NPAS3: variants seen among roughly 807,000 people sequenced by gnomAD.
NPAS3 encodes the protein neuronal PAS domain-containing protein 3.
NPAS3 carries 14 observed loss-of-function variants against 73.1 expected under a neutral mutation model. The observed-to-expected ratio is 0.19, with a 90% CI of 0.13 to 0.30. The LOEUF is 0.30. NPAS3 is among the 10% of genes least tolerant of loss of function. The pLI is 1.00. For synonymous variants in NPAS3, 620 were observed against 541.5 expected (o/e 1.14, Z -2.01); for missense variants, 1,096 against 1,250.0 (o/e 0.88, Z 1.86).
At chr14:33,266,041 A>C (rs909100466) in intron 3 of NPAS3, among the ~76,000 whole-genome samples, 3 of 151,850 alleles carry the variant, frequency 2.0e-5, no homozygotes, top group African/African-American at 7.2e-5. Flanking sequence ...ACATTTATTT[A>C]GACTATACTC....
rs562954840 is a variant in NPAS3 at position 33,606,628 on chromosome 14, A to T, written c.558+46418A>T. On this transcript the variant is annotated intron_variant, in intron 5 of 11. Transcript: ENST00000356141. ...GATCATAGACCTAACTGTAAAACCT[A>T]AAACTATAAAGCTTCTAGAAGAAAA... 5.4e-4 allele frequency among the ~76,000 whole-genome samples: 83 copies of T among 152,320 alleles called. 1 individual carries two copies. Among genetic ancestry groups the T allele is most frequent in the South Asian group, 3.9e-3 (19 of 4,822 alleles).
At chr14:33,517,914 A>T (rs1317464564) in intron 4 of NPAS3, among the ~76,000 whole-genome samples, 2 of 151,996 alleles carry the variant, frequency 1.3e-5, no homozygotes, top group Non-Finnish European at 2.9e-5. Flanking sequence ...AACAAATCTG[A>T]TTCCAAATCC....
At chr14:33,270,556 C>T (rs1045788367) in intron 3 of NPAS3, among the ~76,000 whole-genome samples, 2 of 152,016 alleles carry the variant, frequency 1.3e-5, no homozygotes, top group Non-Finnish European at 2.9e-5. Context: ...GAAGGGACTT[C>T]CTACTTCAAA....
chr14:33,404,069 AT>A (rs2047560080), intron 4 of NPAS3, among the ~76,000 whole-genome samples: 1 of 152,180 alleles, frequency 6.6e-6, no homozygotes, highest in African/African-American at 2.4e-5. Context: ...AAGTGGGGGA[AT>A]GGAGACCAAG....
intron 2 of NPAS3, among the ~76,000 whole-genome samples, chr14:33,064,852 G>T (rs1488197570): frequency 6.6e-6 from 1 of 152,124 alleles, no homozygotes; most frequent in Non-Finnish European, 1.5e-5. Flanking sequence ...GTATATCCAT[G>T]TATATAGGTA....
chr14:33,512,524 C>A (rs1252023337), intron 4 of NPAS3, among the ~76,000 whole-genome samples: 1 of 152,046 alleles, frequency 6.6e-6, no homozygotes, highest in Non-Finnish European at 1.5e-5. Context: ...ATGGTTCAAA[C>A]CTCATGGCAT....
chr14:33,120,013 T>G (rs1438522045), intron 2 of NPAS3, among the ~76,000 whole-genome samples: 1 of 63,776 alleles, frequency 1.6e-5, no homozygotes, highest in Non-Finnish European at 4.2e-5. Flanking sequence ...AGATACTTTG[T>G]TTTTTTTTTG....
At chr14:33,060,189 A>G (rs2041045214) in intron 2 of NPAS3, among the ~76,000 whole-genome samples, 1 of 152,238 alleles carries the variant, frequency 6.6e-6, no homozygotes. Context: ...GTGAGGAAAG[A>G]TAAGTAGGAA....
At chr14:33,250,919 G>A (rs1259403449) in intron 3 of NPAS3, among the ~76,000 whole-genome samples, 1 of 151,978 alleles carries the variant, frequency 6.6e-6, no homozygotes, top group Non-Finnish European at 1.5e-5. Context: ...TGTTACTCTT[G>A]AAACAACCAA....
intron 3 of NPAS3, among the ~76,000 whole-genome samples, chr14:33,308,582 TATATATATG>T (rs201429414): frequency 0.65 from 86,822 of 132,700 alleles, 28,375 homozygotes; most frequent in Middle Eastern, 0.7. Context: ...TATGTATATC[TATATATATG>T]ATCTATCTAC....
At position 33,792,609 on chromosome 14, in the gene NPAS3, G is replaced by A. The variant is rs567355406; in HGVS notation, c.1154-1288G>A. On this transcript the variant is annotated intron_variant, in intron 9 of 11. Transcript: ENST00000356141. ...AAAAAAAAAAAAAAAAAATCTAAAT[G>A]TACTTCATGAAACTGTTGTATATGA... is the stretch of plus-strand genomic sequence containing the variant. Among the ~76,000 whole-genome samples the A allele has an allele frequency of 2.0e-5, 3 of 148,652 alleles. No individual in the cohort carries two copies. In the East Asian group the frequency reaches 5.9e-4, roughly 29 times the overall value.
At chr14:33,285,411 T>C (rs529104332) in intron 3 of NPAS3, among the ~76,000 whole-genome samples, 3 of 152,328 alleles carry the variant, frequency 2.0e-5, no homozygotes, top group South Asian at 2.1e-4. Flanking sequence ...TCCGTAGTTA[T>C]TGAGTAAAAT....
chr14:33,105,475 T>G (rs913196536), intron 2 of NPAS3, among the ~76,000 whole-genome samples: 1 of 152,274 alleles, frequency 6.6e-6, no homozygotes, highest in South Asian at 2.1e-4. Flanking sequence ...TCATTTTCAG[T>G]TCTCAACCTA....
chr14:32,961,456 T>A (rs2036915953), intron 1 of NPAS3, among the ~76,000 whole-genome samples: 1 of 151,808 alleles, frequency 6.6e-6, no homozygotes, highest in East Asian at 1.9e-4. Flanking sequence ...TATCGGATTG[T>A]AGTACTGCCA....
intron 5 of NPAS3, among the ~76,000 whole-genome samples, chr14:33,624,356 G>A (rs750050641): frequency 6.6e-6 from 1 of 152,180 alleles, no homozygotes; most frequent in Non-Finnish European, 1.5e-5. Context: ...TGTTGCATTT[G>A]GTTTAGGACA....
chr14:33,168,787 C>G (rs1461676293), intron 2 of NPAS3, among the ~76,000 whole-genome samples: 1 of 152,170 alleles, frequency 6.6e-6, no homozygotes, highest in Non-Finnish European at 1.5e-5. Context: ...TGGCCTTCCT[C>G]CTGTTCTGTC....
At chr14:33,189,741 G>T (rs1958003) in intron 2 of NPAS3, among the ~76,000 whole-genome samples, 36,152 of 152,076 alleles carry the variant, frequency 0.24, 4,924 homozygotes, top group South Asian at 0.39. Context: ...ACGTTCATAT[G>T]AATTAGTTTA....
chr14:33,424,984 T>G (rs1393165019), intron 4 of NPAS3, among the ~76,000 whole-genome samples: 3 of 151,710 alleles, frequency 2.0e-5, no homozygotes, highest in Admixed American at 1.3e-4. Flanking sequence ...TTAAAGATTG[T>G]GGGAAAGAAT....
At chr14:33,653,401 T>C (rs2059056205) in intron 5 of NPAS3, among the ~76,000 whole-genome samples, 1 of 152,256 alleles carries the variant, frequency 6.6e-6, no homozygotes, top group Non-Finnish European at 1.5e-5. Context: ...CGACTTCATT[T>C]TCATTCTTGG....
Sources: allele counts gnomAD v4.1 joint callset (sites outside exome capture counted in the v4.1 genomes callset), GRCh38; gene constraint gnomAD v4.1.1; transcripts MANE v1.5; gene names NCBI Gene and HGNC (gene_info 2026-07-23, HGNC 2026-07-21).